The following DYTN variants were observed in gnomAD, a reference collection of about 807,000 sequenced individuals.
The protein encoded by DYTN is dystrotelin.
Under a neutral mutation model 69.6 loss-of-function variants are expected in DYTN, and 75 were observed. That is an observed-to-expected ratio of 1.08 (90% CI 0.89 to 1.31). The LOEUF (loss-of-function observed/expected upper bound fraction) is 1.31, where lower values mean the gene tolerates loss of function less well. Ranked by LOEUF, DYTN falls within the 50% of genes most tolerant of loss-of-function variation. DYTN has a pLI of 0.00. For missense variants in DYTN, 726 were observed against 688.4 expected, an observed-to-expected ratio of 1.05 and a Z score of -0.61; for synonymous variants, 252 against 249.1, an observed-to-expected ratio of 1.01 and a Z score of -0.11.
At position 206,694,891 on chromosome 2, in the gene DYTN, T is replaced by C. The variant is rs751779933; in HGVS notation, c.720-14A>G. Reference sequence around the variant, plus strand: ...AGACAGCGGTATCTGCCAGTTAAAATAGAAGCACAGCTTACGTCACTAGTA... The same window carrying C: ...AGACAGCGGTATCTGCCAGTTAAAACAGAAGCACAGCTTACGTCACTAGTA... On this transcript the variant is annotated splice_polypyrimidine_tract_variant and intron_variant, in intron 7 of 11. Coordinates refer to ENST00000452335, the MANE Select transcript of DYTN (RefSeq NM_001093730.1). 2.8e-6 allele frequency: 4 copies of C among 1,444,772 alleles called. No individual in the cohort carries two copies. Among genetic ancestry groups the C allele is most frequent in the East Asian group, 2.5e-5 (1 of 39,466 alleles). The allele number at this position is 1,444,772 out of a possible 1,614,324, so 89.5% of individuals were successfully genotyped here. A position where few individuals can be genotyped will look rare whatever the true frequency, so the allele number is the denominator to read the frequency against.
chr2:206,690,510 C>T (rs568004297), intron 9 of DYTN, among the ~76,000 whole-genome samples: 10 of 152,046 alleles, frequency 6.6e-5, no homozygotes, highest in East Asian at 3.9e-4. Flanking sequence ...ATGGGGAGAC[C>T]GAGGAGGAAG....
intron 5 of DYTN, among the ~76,000 whole-genome samples, chr2:206,703,556 A>G (rs1378707576): frequency 1.3e-5 from 2 of 152,226 alleles, no homozygotes; most frequent in African/African-American, 4.8e-5. Context: ...TATATAAATG[A>G]TGTTTGGAAT....
At chr2:206,658,577 T>C (rs1183463323) in intron 11 of DYTN, among the ~76,000 whole-genome samples, 1 of 152,180 alleles carries the variant, frequency 6.6e-6, no homozygotes, top group Admixed American at 6.5e-5. Flanking sequence ...TAGAATATGA[T>C]GGGTTTTGTC....
At chr2:206,652,042 A>G (rs566620319) in intron 11 of DYTN, 121 bp from the exon 12 acceptor site, 2 of 855,932 alleles carry the variant, frequency 2.3e-6, no homozygotes, top group Non-Finnish European at 1.8e-6. Context: ...TCTCAAGGAC[A>G]ATGTCCTTAA....
intron 2 of DYTN, 75 bp from the exon 3 acceptor site, chr2:206,707,578 T>C (rs1353211584): frequency 3.5e-6 from 5 of 1,440,530 alleles, no homozygotes; most frequent in African/African-American, 1.4e-5. Context: ...CAAATGTCAT[T>C]TGGTGTTTTA....
intron 5 of DYTN, chr2:206,701,058 C>T (rs1436916376): frequency 6.6e-6 from 1 of 152,052 alleles, no homozygotes; most frequent in East Asian, 1.9e-4. Context: ...TGTATATATA[C>T]ATATTTTTAA....
chr2:206,658,216 T>C (rs908531195), intron 11 of DYTN, among the ~76,000 whole-genome samples: 1 of 152,118 alleles, frequency 6.6e-6, no homozygotes, highest in African/African-American at 2.4e-5. Context: ...AATTTCTCTA[T>C]CTCTTTGTTG....
At chr2:206,688,560 A>G (rs1699835500) in intron 9 of DYTN, among the ~76,000 whole-genome samples, 2 of 152,214 alleles carry the variant, frequency 1.3e-5, no homozygotes, top group South Asian at 4.1e-4. Flanking sequence ...CAGGCAACTC[A>G]AAATTTTTTT....
intron 9 of DYTN, among the ~76,000 whole-genome samples, chr2:206,667,026 C>G (rs1699580346): frequency 6.6e-6 from 1 of 152,106 alleles, no homozygotes; most frequent in Non-Finnish European, 1.5e-5. Flanking sequence ...GCCTGGCTGA[C>G]AGAGAGAGAC....
intron 9 of DYTN, among the ~76,000 whole-genome samples, chr2:206,692,476 G>T (rs958344857): frequency 6.6e-6 from 1 of 152,128 alleles, no homozygotes; most frequent in Admixed American, 6.5e-5. Context: ...AACCAAGTTC[G>T]CAATTTTTTA....
At chr2:206,654,815 C>T (rs1229015559) in intron 11 of DYTN, among the ~76,000 whole-genome samples, 1 of 152,132 alleles carries the variant, frequency 6.6e-6, no homozygotes, top group Non-Finnish European at 1.5e-5. Context: ...TTACTTGATA[C>T]TTTTGAGTGA....
intron 1 of DYTN, among the ~76,000 whole-genome samples, 183 bp downstream of exon 1, chr2:206,718,078 A>T (rs553378964): frequency 6.6e-6 from 1 of 152,328 alleles, no homozygotes; most frequent in African/African-American, 2.4e-5. Context: ...GATACTCTTC[A>T]GTACATGGTG....
intron 1 of DYTN, among the ~76,000 whole-genome samples, chr2:206,711,668 T>C (rs553522577): frequency 1.3e-5 from 2 of 152,164 alleles, no homozygotes; most frequent in East Asian, 1.9e-4. Flanking sequence ...ATGTGCCATG[T>C]GGGTGTGCTG....
At chr2:206,692,068 A>G (rs1157504134) in intron 9 of DYTN, among the ~76,000 whole-genome samples, 1 of 152,116 alleles carries the variant, frequency 6.6e-6, no homozygotes, top group Non-Finnish European at 1.5e-5. Flanking sequence ...TGAGGCCAGG[A>G]GTTTAAGAAC....
chr2:206,675,145 G>GTGTGTGTGTGTGTGTGTATA lies in DYTN; in HGVS notation c.981-9117_981-9116insTATACACACACACACACACA, dbSNP rs1415225495. ...TGTGTGTGTGTGTGTGTGTGTGTGTGTATATATGTGTATATATATTTAAAT... is the reference window on the plus strand; with the variant it reads ...TGTGTGTGTGTGTGTGTGTGTGTGTGTGTGTGTGTGTGTGTGTATATATATATGTGTATATATATTTAAAT... On this transcript the variant is annotated intron_variant, in intron 9 of 11. Coordinates refer to ENST00000452335, the MANE Select transcript of DYTN (RefSeq NM_001093730.1). Among the ~76,000 whole-genome samples the GTGTGTGTGTGTGTGTGTATA allele has an allele frequency of 6.0e-3, 727 of 120,206 alleles. 4 individuals are homozygous for GTGTGTGTGTGTGTGTGTATA. The highest frequency in any genetic ancestry group is 0.011 in the South Asian group (43 of 3,870). The allele number at this position is 120,206 out of a possible 152,430, so 78.9% of individuals were successfully genotyped here.
At chr2:206,661,834 C>A (rs1456058339) in intron 11 of DYTN, among the ~76,000 whole-genome samples, 1 of 152,284 alleles carries the variant, frequency 6.6e-6, no homozygotes, top group African/African-American at 2.4e-5. Flanking sequence ...CCCCTAATCC[C>A]TGCATTGTTC....
chr2:206,656,517 T>C (rs1699449431), intron 11 of DYTN, among the ~76,000 whole-genome samples: 1 of 152,164 alleles, frequency 6.6e-6, no homozygotes, highest in Non-Finnish European at 1.5e-5. Flanking sequence ...TTTTGCCATT[T>C]TGAGAGTTGT....
At chr2:206,683,624 A>C (rs1212769231) in intron 9 of DYTN, among the ~76,000 whole-genome samples, 1 of 151,988 alleles carries the variant, frequency 6.6e-6, no homozygotes, top group African/African-American at 2.4e-5. Flanking sequence ...GATTACAGGC[A>C]TGAGCCACCG....
chr2:206,706,900 TAAA>T (rs199983044), intron 3 of DYTN, among the ~76,000 whole-genome samples: 1 of 119,718 alleles, frequency 8.4e-6, no homozygotes, highest in African/African-American at 3.1e-5. Flanking sequence ...TTATTCTAGC[TAAA>T]AAAAAAAAAA....
Sources: allele counts gnomAD v4.1 joint callset (sites outside exome capture counted in the v4.1 genomes callset), GRCh38; gene constraint gnomAD v4.1.1; transcripts MANE v1.5; gene names NCBI Gene and HGNC (gene_info 2026-07-23, HGNC 2026-07-21).